NCAPG: variants seen among roughly 807,000 people sequenced by gnomAD.
NCAPG encodes non-SMC condensin I complex subunit G.
Under a neutral mutation model 113.1 loss-of-function variants are expected in NCAPG, and 69 were observed. That is an observed-to-expected ratio of 0.61 (90% CI 0.50 to 0.75). NCAPG has a LOEUF of 0.75. Ranked by LOEUF, NCAPG falls within the 30% of genes least tolerant of loss-of-function variation. NCAPG has a pLI of 0.00. For missense variants in NCAPG, 1,058 were observed against 1,177.0 expected, an observed-to-expected ratio of 0.90 and a Z score of 1.48; for synonymous variants, 370 against 415.8, an observed-to-expected ratio of 0.89 and a Z score of 1.34.
At chr4:17,839,619 C>CTA (rs1722249204) in intron 16 of NCAPG, 57 bp from the exon 17 acceptor site, 1 of 1,196,094 alleles carries the variant, frequency 8.4e-7, no homozygotes, top group Non-Finnish European at 1.1e-6. Context: ...ATGTGTAAGA[C>CTA]TATATAATAA....
rs1722729069 is a variant in NCAPG at position 17,844,450 on chromosome 4, AAAGT to A, written c.*1029_*1032del. The stretch of plus-strand genomic sequence containing the variant: ...TAAGGTGAAATTTTAAGATGGAGCT[AAAGT>A]AAGATCACTGGTTTTTAGAACCAAA... On this transcript the variant is annotated 3_prime_UTR_variant, in exon 21 of 21. Transcript: ENST00000251496. 1 of 152,438 alleles carries A rather than the reference AAAGT, an allele frequency of 6.6e-6. No homozygotes were observed. Among genetic ancestry groups the A allele is most frequent in the Non-Finnish European group, 1.5e-5 (1 of 67,862 alleles). The allele number at this position is 152,438 out of a possible 1,614,324, so 9.4% of individuals were successfully genotyped here.
intron 7 of NCAPG, among the ~76,000 whole-genome samples, chr4:17,821,296 T>C (rs77262587): frequency 6.6e-6 from 1 of 152,114 alleles, no homozygotes; most frequent in Non-Finnish European, 1.5e-5. Context: ...CTTAGTTTCC[T>C]ACTAGAACCC....
rs1397547345 is a variant in NCAPG, at chr4:17,839,793, C to T, written c.2584C>T (p.His862Tyr). 6.3e-7 allele frequency: 1 copy of T among 1,587,432 alleles called. No homozygotes were observed. The highest frequency in any genetic ancestry group is 8.5e-7 in the Non-Finnish European group (1 of 1,173,860). ...CTTGAGTTCTTTAGAACTCAGTAGC[C>T]ATCTTGCAAAAGATCTTCTGGTTCT... ...KALSSLELSS[H>Y]LAKDLLVLLN... is the part of the protein sequence containing the mutation. The change falls in exon 17 of 21, where the codon CAT becomes TAT. Residue 862 changes from histidine to tyrosine, a missense_variant. Transcript: ENST00000251496.
At chr4:17,842,074 C>A in intron 19 of NCAPG, 1 of 393,026 alleles carries the variant, frequency 2.5e-6, no homozygotes, top group Non-Finnish European at 4.7e-6. Context: ...TTGAAATTTC[C>A]TTATTTTCCC....
intron 7 of NCAPG, among the ~76,000 whole-genome samples, chr4:17,820,756 C>T (rs537313021): frequency 6.6e-6 from 1 of 152,172 alleles, no homozygotes. Flanking sequence ...AAAATTGTTT[C>T]CTGATAATCT....
At chr4:17,815,693 T>G (rs899909815) in intron 5 of NCAPG, among the ~76,000 whole-genome samples, 3 of 152,066 alleles carry the variant, frequency 2.0e-5, no homozygotes, top group Admixed American at 1.3e-4. Context: ...TCTGGTTAAT[T>G]TTTATATTTT....
intron 12 of NCAPG, among the ~76,000 whole-genome samples, chr4:17,830,302 A>G (rs1721808679): frequency 6.6e-6 from 1 of 151,928 alleles, no homozygotes; most frequent in Admixed American, 6.6e-5. Context: ...CTGAGGTAGG[A>G]GGATCACTTA....
rs779752256 is a variant in NCAPG, at chr4:17,811,365, G to T, written c.111+177G>T. On this transcript the variant is annotated intron_variant, in intron 1 of 20. Coordinates refer to ENST00000251496, the MANE Select transcript of NCAPG (RefSeq NM_022346.5). The surrounding 1 kb of genome is among the most constrained non-coding windows in gnomAD (Gnocchi z 5.3). ...CAGGGACTTACCCGAGGTCGCCTGGGCCCAGGCCAGAAAGCCTCCGAAGCC... is the reference window on the plus strand; with the variant it reads ...CAGGGACTTACCCGAGGTCGCCTGGTCCCAGGCCAGAAAGCCTCCGAAGCC... 2.6e-5 allele frequency among the ~76,000 whole-genome samples: 4 copies of T among 152,152 alleles called. No individual in the cohort carries two copies. The highest frequency in any genetic ancestry group is 5.9e-5 in the Non-Finnish European group (4 of 68,010).
rs1418796862 is a variant in NCAPG, at chr4:17,842,115, T to TAAG, written c.2855-194_2855-192dup. Reference sequence around the variant, plus strand: ...CATTATTAGTGCTTACAAAATAAATTAAGTTTTAATCTTGCTTGGGTTCCT... The same window carrying TAAG: ...CATTATTAGTGCTTACAAAATAAATTAAGAAGTTTTAATCTTGCTTGGGTTCCT... On this transcript the variant is annotated intron_variant, in intron 19 of 20. Coordinates refer to ENST00000251496, the MANE Select transcript of NCAPG (RefSeq NM_022346.5). 7 of 517,494 alleles carry TAAG rather than the reference T, an allele frequency of 1.4e-5. No individual in the cohort carries two copies. In the East Asian group the frequency reaches 2.2e-4, roughly 16 times the overall value. 32.1% of individuals were successfully genotyped at this position (517,494 alleles called of 1,614,324 possible). A position where few individuals can be genotyped will look rare whatever the true frequency, so the allele number is the denominator to read the frequency against.
At chr4:17,818,748 G>C (rs1221083991) in intron 7 of NCAPG, among the ~76,000 whole-genome samples, 2 of 152,092 alleles carry the variant, frequency 1.3e-5, no homozygotes, top group Non-Finnish European at 2.9e-5. Context: ...ATGTTTTAAA[G>C]TTTTTTCAAA....
At chr4:17,830,846 C>T (rs1721841231) in intron 12 of NCAPG, 151 bp from the exon 13 acceptor site, 3 of 711,692 alleles carry the variant, frequency 4.2e-6, no homozygotes, top group South Asian at 2.0e-5. Context: ...GACCCTATTT[C>T]AGGAAGGTCA....
At position 17,811,103 on chromosome 4, in the gene NCAPG, C is replaced by T; in HGVS notation, c.26C>T (p.Ser9Leu). ...ATGGGAGCGGAAAGGAGGCTGCTGTCGATTAAGGAGGCCTTTCGGCTGGCG... is the reference window on the plus strand; with the variant it reads ...ATGGGAGCGGAAAGGAGGCTGCTGTTGATTAAGGAGGCCTTTCGGCTGGCG... MGAERRLL[S>L]IKEAFRLAQQ... is the part of the protein sequence containing the mutation. Residue 9 changes from serine to leucine, a missense_variant, in exon 1 of 21, where the codon TCG becomes TTG. Transcript: ENST00000251496. The surrounding 1 kb of genome is among the most constrained non-coding windows in gnomAD (Gnocchi z 5.3). 1 of 1,534,512 alleles carries T rather than the reference C, an allele frequency of 6.5e-7. No individual in the cohort carries two copies. Among genetic ancestry groups the T allele is most frequent in the Non-Finnish European group, 8.8e-7 (1 of 1,140,894 alleles).
At chr4:17,831,713 A>G (rs970113096) in intron 13 of NCAPG, among the ~76,000 whole-genome samples, 2 of 152,192 alleles carry the variant, frequency 1.3e-5, no homozygotes, top group Non-Finnish European at 2.9e-5. Flanking sequence ...TGTTCAAGGA[A>G]TAAGAGAACA....
chr4:17,823,232 G>A, intron 8 of NCAPG, 109 bp downstream of exon 8: 2 of 1,058,398 alleles, frequency 1.9e-6, no homozygotes, highest in African/African-American at 1.7e-5. Flanking sequence ...TCTCTAAAGT[G>A]GTATAAAAAG....
In NCAPG at chr4:17,813,073, G is replaced by A. The variant is rs1350173674; in HGVS notation, c.472G>A (p.Val158Met). The change falls in exon 3 of 21, where the codon GTG (valine) becomes ATG (methionine). Residue 158 changes from valine (V) to methionine (M), a missense_variant. Val to Met is a conservative substitution (Grantham distance 21). Transcript: ENST00000251496. ...TAGATTGAAAGATAAGATTCCAAAT[G>A]TGAGAATACAGGCAGTTCTGGCGCT... is the stretch of plus-strand genomic sequence containing the variant. ...LIRLKDKIPN[V>M]RIQAVLALSR... 6.2e-7 allele frequency: 1 copy of A among 1,614,064 alleles called. No individual in the cohort carries two copies.
chr4:17,811,056 G>C lies in NCAPG; in HGVS notation c.-22G>C, dbSNP rs757418344. 1.3e-5 allele frequency: 19 copies of C among 1,437,292 alleles called. No homozygotes were observed. The highest frequency in any genetic ancestry group is 1.8e-5 in the Non-Finnish European group (19 of 1,081,040). The allele number at this position is 1,437,292 out of a possible 1,614,324, so 89.0% of individuals were successfully genotyped here. A position where few individuals can be genotyped will look rare whatever the true frequency, so the allele number is the denominator to read the frequency against. On this transcript the variant is annotated 5_prime_UTR_variant, in exon 1 of 21. Coordinates refer to ENST00000251496, the MANE Select transcript of NCAPG (RefSeq NM_022346.5). This position sits in a 1 kb window ranked among gnomAD's most constrained non-coding sequence, Gnocchi z 5.3. ...CTGTAGCCGAGCGCGGGCAGGACTC[G>C]TCCCGGCAGGGTTCCAGAGCCATGG...
chr4:17,828,109 C>T (rs1721725884), intron 11 of NCAPG, among the ~76,000 whole-genome samples, 169 bp from the exon 12 acceptor site: 1 of 151,948 alleles, frequency 6.6e-6, no homozygotes, highest in South Asian at 2.1e-4. Flanking sequence ...CTGAAGTTGC[C>T]AATTTTAAAA....
chr4:17,819,662 A>G (rs1297123984), intron 7 of NCAPG, among the ~76,000 whole-genome samples: 2 of 152,218 alleles, frequency 1.3e-5, no homozygotes, highest in African/African-American at 4.8e-5. Context: ...GGCCTCCCAA[A>G]GTGCTGGGAT....
chr4:17,829,722 T>C (rs1485581136), intron 12 of NCAPG, among the ~76,000 whole-genome samples: 1 of 152,244 alleles, frequency 6.6e-6, no homozygotes, highest in Non-Finnish European at 1.5e-5. Context: ...GATTTAATTA[T>C]TCATTGGGAA....
Sources: gnomAD v4.1 joint callset for allele counts (sites outside exome capture counted in the v4.1 genomes callset) on GRCh38, gnomAD v4.1.1 for gene constraint, Gnocchi (gnomAD v3.1) non-coding constraint, MANE v1.5 for transcripts, NCBI Gene and HGNC (gene_info 2026-07-23, HGNC 2026-07-21) for gene names.